RBFOX1: variants seen among roughly 807,000 people sequenced by gnomAD.
RBFOX1 encodes RNA binding fox-1 homolog 1.
In RBFOX1, 8 loss-of-function variants were observed where a neutral mutation model predicts 57.7. That is an observed-to-expected ratio of 0.14 (90% CI 0.08 to 0.25). The LOEUF (loss-of-function observed/expected upper bound fraction) is 0.25, where lower values mean the gene tolerates loss of function less well. Among genes scored for constraint, RBFOX1 ranks in the 10% least tolerant of loss-of-function variants. The pLI is 1.00. For synonymous variants in RBFOX1, 326 were observed against 222.4 expected, an observed-to-expected ratio of 1.47 and a Z score of -4.15; for missense variants, 611 against 548.5, an observed-to-expected ratio of 1.11 and a Z score of -1.14.
chr16:6,969,066 G>T (rs991025174), intron 3 of RBFOX1, among the ~76,000 whole-genome samples: 7 of 152,212 alleles, frequency 4.6e-5, no homozygotes, highest in African/African-American at 1.4e-4. Context: ...TCCGAGAGGT[G>T]TCAAGAGCAC....
intron 3 of RBFOX1, among the ~76,000 whole-genome samples, chr16:6,901,641 C>G (rs1427602775): frequency 6.6e-6 from 1 of 152,152 alleles, no homozygotes; most frequent in African/African-American, 2.4e-5. Context: ...TTTCTGGTAA[C>G]CTTCAACAAA....
intron 3 of RBFOX1, among the ~76,000 whole-genome samples, chr16:6,662,396 G>T (rs926063449): frequency 6.6e-6 from 1 of 152,098 alleles, no homozygotes; most frequent in Admixed American, 6.5e-5. Context: ...TTAAATATAT[G>T]CAATTTTTGT....
chr16:5,243,576 C>G lies in RBFOX1; in HGVS notation c.219+3471C>G, dbSNP rs151260255. Among the ~76,000 whole-genome samples, 849 of 152,288 alleles carry G rather than the reference C, an allele frequency of 5.6e-3. 3 individuals are homozygous for G. The highest frequency in any genetic ancestry group is 9.1e-3 in the Non-Finnish European group (618 of 68,034). On this transcript the variant is annotated intron_variant, in intron 1 of 2. Coordinates refer to the RBFOX1 transcript ENST00000585867. Reference sequence around the variant, plus strand: ...CTCCATCCTCTAGGTGCCATTCCCCCCTCCCAGCTATGGCTACCCCAGATG... The same window carrying G: ...CTCCATCCTCTAGGTGCCATTCCCCGCTCCCAGCTATGGCTACCCCAGATG...
At chr16:7,412,340 A>G (rs961403025) in intron 4 of RBFOX1, among the ~76,000 whole-genome samples, 3 of 148,960 alleles carry the variant, frequency 2.0e-5, no homozygotes, top group Admixed American at 6.7e-5. Flanking sequence ...ACTTGAACCT[A>G]GGAGCTAGAG....
chr16:7,208,634 C>A (rs2090475972), intron 4 of RBFOX1, among the ~76,000 whole-genome samples: 1 of 151,970 alleles, frequency 6.6e-6, no homozygotes, highest in African/African-American at 2.4e-5. Context: ...GTAAGAGTTT[C>A]AGAGCAACCT....
intron 2 of RBFOX1, among the ~76,000 whole-genome samples, chr16:6,386,167 C>G (rs139503088): frequency 2.5e-4 from 38 of 152,202 alleles, no homozygotes; most frequent in Non-Finnish European, 5.3e-4. Flanking sequence ...GATGTCCTGG[C>G]CTCGTGATCC....
intron 1 of RBFOX1, among the ~76,000 whole-genome samples, chr16:6,188,153 A>G (rs2097117948): frequency 6.6e-6 from 1 of 152,088 alleles, no homozygotes; most frequent in African/African-American, 2.4e-5. Flanking sequence ...TGTATCTTCT[A>G]TGTATGCTCA....
chr16:7,479,985 C>T (rs999812224), intron 4 of RBFOX1, among the ~76,000 whole-genome samples: 6 of 152,074 alleles, frequency 3.9e-5, no homozygotes, highest in African/African-American at 4.8e-5. Flanking sequence ...GAAGTGAGGC[C>T]GACGTATAGG....
intron 3 of RBFOX1, among the ~76,000 whole-genome samples, chr16:6,895,921 G>T (rs575219938): frequency 6.6e-6 from 1 of 151,990 alleles, no homozygotes; most frequent in South Asian, 2.1e-4. Flanking sequence ...TTTAATTATG[G>T]TGGGTACATA....
chr16:6,606,861 G>A (rs919157656), intron 2 of RBFOX1, among the ~76,000 whole-genome samples: 9 of 152,016 alleles, frequency 5.9e-5, no homozygotes, highest in Non-Finnish European at 2.9e-5. Flanking sequence ...GTATTCCTTT[G>A]GGTATATACC....
chr16:5,378,871 G>C (rs2066058757), intron 1 of RBFOX1, among the ~76,000 whole-genome samples: 1 of 151,530 alleles, frequency 6.6e-6, no homozygotes, highest in Non-Finnish European at 1.5e-5. Context: ...TATGATTATG[G>C]ATTAGGCAGA....
chr16:6,785,382 A>T (rs1322462622), intron 3 of RBFOX1, among the ~76,000 whole-genome samples: 2 of 152,170 alleles, frequency 1.3e-5, no homozygotes, highest in Non-Finnish European at 2.9e-5. Flanking sequence ...TAGGGAGTGG[A>T]GTTATTGTTG....
intron 14 of RBFOX1, among the ~76,000 whole-genome samples, chr16:7,698,911 T>G (rs1357465326): frequency 3.2e-4 from 48 of 152,284 alleles, no homozygotes; most frequent in Non-Finnish European, 6.5e-4. Context: ...ATTAAAGATG[T>G]CTAGATAGTC....
chr16:6,874,210 A>T (rs1240811776), intron 3 of RBFOX1, among the ~76,000 whole-genome samples: 3 of 152,106 alleles, frequency 2.0e-5, no homozygotes, highest in Admixed American at 1.3e-4. Context: ...CTACTCAGCC[A>T]TAAAAAGGAA....
At chr16:6,840,156 C>G (rs1474980506) in intron 3 of RBFOX1, among the ~76,000 whole-genome samples, 2 of 152,076 alleles carry the variant, frequency 1.3e-5, no homozygotes, top group Admixed American at 6.5e-5. Context: ...AATCAGGCAC[C>G]GTTTTGCCAG....
At chr16:7,540,115 G>A (rs939276502) in intron 5 of RBFOX1, among the ~76,000 whole-genome samples, 2 of 152,158 alleles carry the variant, frequency 1.3e-5, no homozygotes, top group Non-Finnish European at 2.9e-5. Context: ...TTGGTGGTGG[G>A]ATTCTTCTAA....
At chr16:5,888,570 C>G (rs181010201) in intron 4 of RBFOX1, among the ~76,000 whole-genome samples, 49 of 151,920 alleles carry the variant, frequency 3.2e-4, no homozygotes, top group African/African-American at 1.1e-3. Flanking sequence ...CTGAGTTGGG[C>G]AGATAATCTG....
intron 4 of RBFOX1, among the ~76,000 whole-genome samples, chr16:7,137,700 G>C (rs1297558860): frequency 1.3e-5 from 2 of 152,172 alleles, no homozygotes; most frequent in African/African-American, 4.8e-5. Context: ...CCTGATACGT[G>C]ACAACAGCAA....
chr16:7,566,518 C>A (rs2091722956), intron 5 of RBFOX1, among the ~76,000 whole-genome samples: 1 of 152,144 alleles, frequency 6.6e-6, no homozygotes, highest in Non-Finnish European at 1.5e-5. Flanking sequence ...CCTTCCATCT[C>A]CTGGCTGTGT....
Sources: gnomAD v4.1 joint callset for allele counts (sites outside exome capture counted in the v4.1 genomes callset) on GRCh38, gnomAD v4.1.1 for gene constraint, MANE v1.5 for transcripts, NCBI Gene and HGNC (gene_info 2026-07-23, HGNC 2026-07-21) for gene names.